Variants in RYR2 observed in about 807,000 individuals in gnomAD.
RYR2 encodes cardiac muscle ryanodine receptor-calcium release channel.
RYR2 carries 227 observed loss-of-function variants against 601.1 expected under a neutral mutation model. The ratio of observed to expected loss-of-function variants is 0.38; its 90% CI spans 0.34 to 0.42. RYR2 has a LOEUF of 0.42. RYR2 is among the 10% of genes least tolerant of loss of function. RYR2 has a pLI of 1.00. For missense variants in RYR2, 4,646 were observed against 6,156.5 expected (o/e 0.75, Z 8.21); for synonymous variants, 2,223 against 2,175.1 (o/e 1.02, Z -0.61).
intron 27 of RYR2, 49 bp downstream of exon 27, chr1:237,550,740 G>T: frequency 6.6e-7 from 1 of 1,507,024 alleles, no homozygotes; most frequent in Non-Finnish European, 8.9e-7. Context: ...TGATGTAGTA[G>T]TTCTTTAAAG....
At chr1:237,619,080 C>T (rs530386223) in intron 38 of RYR2, among the ~76,000 whole-genome samples, 1 of 152,024 alleles carries the variant, frequency 6.6e-6, no homozygotes, top group Non-Finnish European at 1.5e-5. Flanking sequence ...CAGAGGAAAC[C>T]AGGTGAAACA....
intron 1 of RYR2, among the ~76,000 whole-genome samples, chr1:237,210,924 A>G (rs1682502405): frequency 6.6e-6 from 1 of 152,180 alleles, no homozygotes; most frequent in South Asian, 2.1e-4. Context: ...GTTGTCATGG[A>G]TATTTCTGTT....
At chr1:237,222,947 C>T (rs958141889) in intron 1 of RYR2, among the ~76,000 whole-genome samples, 2 of 152,074 alleles carry the variant, frequency 1.3e-5, no homozygotes, top group Non-Finnish European at 2.9e-5. Context: ...TGCTTGTAAT[C>T]CCAGCTACGC....
chr1:237,447,684 A>G (rs1657536125), intron 14 of RYR2, among the ~76,000 whole-genome samples: 1 of 152,060 alleles, frequency 6.6e-6, no homozygotes, highest in Non-Finnish European at 1.5e-5. Context: ...CTTTGTTGAC[A>G]TAAACATTTA....
chr1:237,135,678 C>G (rs987928261), intron 1 of RYR2, among the ~76,000 whole-genome samples: 5 of 152,086 alleles, frequency 3.3e-5, no homozygotes, highest in African/African-American at 1.2e-4. Flanking sequence ...GCCCGGCCCC[C>G]CTCGTTGGTT....
intron 34 of RYR2, among the ~76,000 whole-genome samples, chr1:237,600,135 C>T (rs1676337861): frequency 6.6e-6 from 1 of 151,910 alleles, no homozygotes; most frequent in Non-Finnish European, 1.5e-5. Flanking sequence ...CAATCTTGAG[C>T]AAAAAGAATA....
At chr1:237,493,509 G>C (rs999943581) in intron 19 of RYR2, among the ~76,000 whole-genome samples, 1 of 152,080 alleles carries the variant, frequency 6.6e-6, no homozygotes, top group Non-Finnish European at 1.5e-5. Flanking sequence ...CTGGAGTGCA[G>C]TGGCACGATC....
intron 57 of RYR2, among the ~76,000 whole-genome samples, chr1:237,667,266 A>T (rs750159078): frequency 3.9e-5 from 6 of 152,242 alleles, no homozygotes; most frequent in Non-Finnish European, 5.9e-5. Context: ...TTGTTCCAAG[A>T]GAAATAAGGA....
intron 9 of RYR2, among the ~76,000 whole-genome samples, chr1:237,387,755 G>A (rs1337884654): frequency 6.6e-6 from 1 of 152,182 alleles, no homozygotes; most frequent in Non-Finnish European, 1.5e-5. Context: ...TTACAAAGGA[G>A]CAGGGTTTCC....
intron 73 of RYR2, among the ~76,000 whole-genome samples, chr1:237,721,081 A>G (rs1032659400): frequency 2.8e-4 from 43 of 152,196 alleles, no homozygotes; most frequent in African/African-American, 9.9e-4. Context: ...ATTTTCAAAA[A>G]ATGAATTTTT....
At chr1:237,806,040 T>A in intron 98 of RYR2, 97 bp from the exon 99 acceptor site, 1 of 1,081,542 alleles carries the variant, frequency 9.2e-7, no homozygotes, top group Non-Finnish European at 1.4e-6. Context: ...ACATGTAGAG[T>A]TTAACTTTCT....
At chr1:237,509,204 C>T (rs1242034632) in intron 23 of RYR2, among the ~76,000 whole-genome samples, 2 of 152,192 alleles carry the variant, frequency 1.3e-5, no homozygotes, top group Non-Finnish European at 1.5e-5. Flanking sequence ...GTTGTGTTAG[C>T]ACCCGCACCT....
At chr1:237,633,830 C>A in intron 43 of RYR2, 120 bp downstream of exon 43, 1 of 1,011,358 alleles carries the variant, frequency 9.9e-7, no homozygotes, top group Non-Finnish European at 1.4e-6. Flanking sequence ...CAAAAGAAGA[C>A]AGATAGTTGG....
At chr1:237,125,336 C>T (rs546960741) in intron 1 of RYR2, among the ~76,000 whole-genome samples, 2 of 151,376 alleles carry the variant, frequency 1.3e-5, no homozygotes, top group Admixed American at 6.6e-5. Context: ...TCTGCTGAGC[C>T]GTGTGAGTTT....
At chr1:237,207,275 A>G (rs1681920242) in intron 1 of RYR2, among the ~76,000 whole-genome samples, 1 of 152,194 alleles carries the variant, frequency 6.6e-6, no homozygotes, top group Non-Finnish European at 1.5e-5. Context: ...TTTAAAAAAA[A>G]GTCTTCATGG....
At chr1:237,696,557 A>G (rs1013590800) in intron 63 of RYR2, among the ~76,000 whole-genome samples, 17 of 131,742 alleles carry the variant, frequency 1.3e-4, no homozygotes, top group Admixed American at 1.2e-3. Context: ...TTTTTTTTCA[A>G]TCAATTGCCT....
chr1:237,134,051 A>G (rs1672485711), intron 1 of RYR2, among the ~76,000 whole-genome samples: 1 of 152,108 alleles, frequency 6.6e-6, no homozygotes, highest in South Asian at 2.1e-4. Flanking sequence ...CTGAAGTACC[A>G]AGCTCACTAG....
chr1:237,651,814 G>A (rs1682770516), intron 51 of RYR2, among the ~76,000 whole-genome samples: 1 of 152,102 alleles, frequency 6.6e-6, no homozygotes. Context: ...AAGGTGGGCG[G>A]ATCACGAGGT....
At chr1:237,533,024 G>A (rs1168498809) in intron 25 of RYR2, among the ~76,000 whole-genome samples, 1 of 152,152 alleles carries the variant, frequency 6.6e-6, no homozygotes, top group Non-Finnish European at 1.5e-5. Context: ...ATGGGGCACA[G>A]GGTTTAAAAA....
Sources: gnomAD v4.1 joint callset for allele counts (sites outside exome capture counted in the v4.1 genomes callset) on GRCh38, gnomAD v4.1.1 for gene constraint, MANE v1.5 for transcripts, NCBI Gene and HGNC (gene_info 2026-07-23, HGNC 2026-07-21) for gene names.